The following ASIC2 variants were observed in gnomAD, a reference collection of about 807,000 sequenced individuals.
The protein encoded by ASIC2 is acid sensing ion channel subunit 2, also known as acid-sensing ion channel 2.
In ASIC2, 25 loss-of-function variants were observed where a neutral mutation model predicts 57.3. The ratio of observed to expected loss-of-function variants is 0.44; its 90% CI spans 0.32 to 0.61. ASIC2 has a LOEUF of 0.61. Among genes scored for constraint, ASIC2 ranks in the 20% least tolerant of loss-of-function variants. The probability of loss-of-function intolerance (pLI) is 0.06; values close to 1 mark genes in which losing one functional copy is unlikely to be tolerated. For synonymous variants in ASIC2, 319 were observed against 307.5 expected, an observed-to-expected ratio of 1.04 and a Z score of -0.39; for missense variants, 641 against 738.1, an observed-to-expected ratio of 0.87 and a Z score of 1.52.
chr17:33,815,010 G>C (rs1331116829), intron 1 of ASIC2, among the ~76,000 whole-genome samples: 24 of 152,218 alleles, frequency 1.6e-4, no homozygotes, highest in Admixed American at 1.6e-3. Flanking sequence ...GTTGGACTGT[G>C]TGTGGGTATG....
chr17:34,081,405 A>G (rs1909877871), intron 1 of ASIC2, among the ~76,000 whole-genome samples: 1 of 152,212 alleles, frequency 6.6e-6, no homozygotes, highest in Admixed American at 6.5e-5. Context: ...TGCCACACTT[A>G]GGGAAGCTTT....
intron 1 of ASIC2, among the ~76,000 whole-genome samples, chr17:34,101,789 G>T (rs545267380): frequency 6.6e-6 from 1 of 152,162 alleles, no homozygotes; most frequent in East Asian, 1.9e-4. Context: ...TTTTTCTAAG[G>T]AATGCATTTT....
intron 1 of ASIC2, among the ~76,000 whole-genome samples, chr17:33,447,034 G>C (rs549295764): frequency 6.6e-6 from 1 of 152,166 alleles, no homozygotes; most frequent in Non-Finnish European, 1.5e-5. Context: ...TGCTGCAGAC[G>C]CTTTGAGCCT....
chr17:33,452,738 G>GGTGTGTGTGTGTGTGTGTGTGTGTGT (rs35126239), intron 1 of ASIC2, among the ~76,000 whole-genome samples: 1 of 140,408 alleles, frequency 7.1e-6, no homozygotes, highest in African/African-American at 2.7e-5. Context: ...AACAGAGTGG[G>GGTGTGTGTGTGTGTGTGTGTGTGTGT]GTGTGTGTGT....
chr17:33,035,213 A>G (rs1422627513), intron 3 of ASIC2, among the ~76,000 whole-genome samples: 1 of 152,136 alleles, frequency 6.6e-6, no homozygotes, highest in South Asian at 2.1e-4. Flanking sequence ...CTCATTATTT[A>G]CATCTTTTTC....
chr17:33,304,469 G>T (rs1428076846), intron 1 of ASIC2, among the ~76,000 whole-genome samples: 1 of 152,088 alleles, frequency 6.6e-6, no homozygotes, highest in African/African-American at 2.4e-5. Context: ...CTGTAATAGG[G>T]GCCACTGCAT....
At chr17:33,202,003 C>T (rs550484332) in intron 1 of ASIC2, among the ~76,000 whole-genome samples, 25 of 117,064 alleles carry the variant, frequency 2.1e-4, no homozygotes, top group East Asian at 2.0e-3. Context: ...CTTGGTGACA[C>T]GGTGAGACTG....
chr17:33,231,318 C>A (rs1220323710), intron 1 of ASIC2, among the ~76,000 whole-genome samples: 1 of 152,132 alleles, frequency 6.6e-6, no homozygotes, highest in Non-Finnish European at 1.5e-5. Context: ...GAGTTGGCAC[C>A]CCTTGGAGAG....
intron 1 of ASIC2, among the ~76,000 whole-genome samples, chr17:33,413,516 C>G (rs1910735237): frequency 6.6e-6 from 1 of 152,240 alleles, no homozygotes; most frequent in Non-Finnish European, 1.5e-5. Flanking sequence ...CCGTTTCTCA[C>G]CAGGACTACG....
rs541703028 is a variant in ASIC2 at position 33,911,785 on chromosome 17, T to C, written c.555+244193A>G. 3.3e-5 allele frequency among the ~76,000 whole-genome samples: 5 copies of C among 152,310 alleles called. No homozygotes were observed. The East Asian group carries it at 9.6e-4, about 29-fold the overall frequency. On this transcript the variant is annotated intron_variant, in intron 1 of 9. Transcript: ENST00000359872. ...TCAAGCTAGCTAACATTCATACTTA[T>C]GGATTGAATACTACGCCATGTCAAT...
At chr17:33,838,783 A>G (rs144379568) in intron 1 of ASIC2, among the ~76,000 whole-genome samples, 25 of 152,190 alleles carry the variant, frequency 1.6e-4, no homozygotes, top group African/African-American at 5.5e-4. Context: ...AAAAATACCA[A>G]TGTCTGCCCC....
chr17:33,187,587 A>T (rs188426678), intron 1 of ASIC2, among the ~76,000 whole-genome samples: 4 of 152,284 alleles, frequency 2.6e-5, no homozygotes, highest in African/African-American at 9.6e-5. Flanking sequence ...ACCTAATAGA[A>T]TGTATGGGCC....
intron 1 of ASIC2, among the ~76,000 whole-genome samples, chr17:34,045,514 T>A (rs2142049236): frequency 6.6e-6 from 1 of 152,272 alleles, no homozygotes; most frequent in South Asian, 2.1e-4. Flanking sequence ...TGGAAAAACT[T>A]CAAGACCACT....
At chr17:33,575,255 A>T (rs1567655833) in intron 1 of ASIC2, among the ~76,000 whole-genome samples, 1 of 152,212 alleles carries the variant, frequency 6.6e-6, no homozygotes. Flanking sequence ...AGATGCAAAC[A>T]GCACTGAGTC....
chr17:33,980,766 G>C (rs62057459), intron 1 of ASIC2: 31,119 of 151,970 alleles, frequency 0.2, 3,491 homozygotes, highest in African/African-American at 0.28. Context: ...TCCAATGATT[G>C]ATCCATGGAA....
At chr17:33,959,094 G>A (rs751322354) in intron 1 of ASIC2, among the ~76,000 whole-genome samples, 5 of 152,098 alleles carry the variant, frequency 3.3e-5, no homozygotes, top group Non-Finnish European at 7.3e-5. Flanking sequence ...TGTCCATAAC[G>A]CTATCAGTAT....
At chr17:33,141,020 C>G (rs2092385638) in intron 1 of ASIC2, among the ~76,000 whole-genome samples, 2 of 152,234 alleles carry the variant, frequency 1.3e-5, no homozygotes. Context: ...GCTCTGGGGG[C>G]TCTGAGTTGC....
intron 1 of ASIC2, among the ~76,000 whole-genome samples, chr17:33,376,905 A>AGAGAGATTTGAGG (rs1909298668): frequency 6.6e-6 from 1 of 152,138 alleles, no homozygotes; most frequent in East Asian, 1.9e-4. Context: ...CAATTCTCAC[A>AGAGAGATTTGAGG]ATCACCCCGG....
intron 1 of ASIC2, among the ~76,000 whole-genome samples, chr17:33,299,073 G>A (rs1239085768): frequency 6.6e-6 from 1 of 152,168 alleles, no homozygotes; most frequent in Non-Finnish European, 1.5e-5. Flanking sequence ...TTTATTCACA[G>A]AATTGGAAAA....
Sources: gnomAD v4.1 joint callset for allele counts (sites outside exome capture counted in the v4.1 genomes callset) on GRCh38, gnomAD v4.1.1 for gene constraint, MANE v1.5 for transcripts, NCBI Gene and HGNC (gene_info 2026-07-23, HGNC 2026-07-21) for gene names.